TRPM7: variants seen among roughly 807,000 people sequenced by gnomAD.
TRPM7 encodes the protein LTRPC ion channel family member 7.
Under a neutral mutation model 229.7 loss-of-function variants are expected in TRPM7, and 134 were observed. That is an observed-to-expected ratio of 0.58 (90% CI 0.51 to 0.67). The LOEUF is 0.67. TRPM7 is among the 30% of genes least tolerant of loss of function. The pLI, the probability that TRPM7 is intolerant of heterozygous loss-of-function variation, is 0.00. For missense variants in TRPM7, 1,901 were observed against 2,210.0 expected, an observed-to-expected ratio of 0.86 and a Z score of 2.80; for synonymous variants, 699 against 715.2, an observed-to-expected ratio of 0.98 and a Z score of 0.36.
At chr15:50,568,245 C>A (rs1317094590) in intron 38 of TRPM7, among the ~76,000 whole-genome samples, 2 of 149,706 alleles carry the variant, frequency 1.3e-5, no homozygotes, top group African/African-American at 4.9e-5. Context: ...ACATCAGAAA[C>A]AAAGCAAATT....
chr15:50,583,580 G>GTT (rs3077872), intron 28 of TRPM7, among the ~76,000 whole-genome samples: 2,342 of 136,808 alleles, frequency 0.017, 78 homozygotes, highest in African/African-American at 0.057. Context: ...TTAGAGTTTT[G>GTT]TTTTTTTTTT....
intron 21 of TRPM7, among the ~76,000 whole-genome samples, chr15:50,603,442 C>G (rs1015494268): frequency 3.9e-5 from 6 of 151,902 alleles, no homozygotes; most frequent in African/African-American, 1.5e-4. Flanking sequence ...TCTCCTAATG[C>G]TATCCCTCCC....
chr15:50,606,421 T>G (rs2059921508), intron 20 of TRPM7, among the ~76,000 whole-genome samples: 3 of 151,494 alleles, frequency 2.0e-5, no homozygotes, highest in African/African-American at 7.4e-5. Context: ...AATATTCATG[T>G]AGCTACTACT....
intron 2 of TRPM7, among the ~76,000 whole-genome samples, chr15:50,660,890 CT>C (rs1279615870): frequency 7.2e-5 from 11 of 151,814 alleles, no homozygotes; most frequent in African/African-American, 2.7e-4. Context: ...TTTTAAATGG[CT>C]AAAAATCGAA....
intron 29 of TRPM7, among the ~76,000 whole-genome samples, chr15:50,582,660 A>G (rs2054477369): frequency 6.6e-6 from 1 of 152,206 alleles, no homozygotes; most frequent in African/African-American, 2.4e-5. Context: ...GCCAGAACAG[A>G]TATATTTTGA....
At chr15:50,672,227 G>A (rs1596344048) in intron 1 of TRPM7, among the ~76,000 whole-genome samples, 1 of 152,066 alleles carries the variant, frequency 6.6e-6, no homozygotes, top group East Asian at 1.9e-4. Flanking sequence ...CTAATTTTTT[G>A]TATTTTTAGT....
intron 30 of TRPM7, among the ~76,000 whole-genome samples, chr15:50,580,458 G>A (rs980721812): frequency 1.3e-5 from 2 of 152,078 alleles, no homozygotes; most frequent in Non-Finnish European, 2.9e-5. Flanking sequence ...GTGTATTACT[G>A]CTCTAATCAT....
In TRPM7 at chr15:50,596,399, GA is replaced by G; in HGVS notation, c.3164-19del. The G allele has an allele frequency of 1.3e-6, 2 of 1,552,868 alleles. No individual in the cohort carries two copies. On this transcript the variant is annotated intron_variant, in intron 22 of 38. Coordinates refer to ENST00000646667, the MANE Select transcript of TRPM7 (RefSeq NM_017672.6). The stretch of plus-strand genomic sequence containing the variant: ...TGCACACACTTTAGAGAGAAAAAAA[GA>G]AAAAAACAAAAACAACTTAAAAATA...
intron 3 of TRPM7, among the ~76,000 whole-genome samples, chr15:50,650,969 G>A (rs1341161745): frequency 6.6e-6 from 1 of 152,130 alleles, no homozygotes; most frequent in Non-Finnish European, 1.5e-5. Flanking sequence ...CCGGCAGTTT[G>A]CTTGAGCCCA....
chr15:50,597,158 G>A (rs996021752), intron 22 of TRPM7, among the ~76,000 whole-genome samples: 4 of 152,130 alleles, frequency 2.6e-5, no homozygotes, highest in African/African-American at 4.8e-5. Context: ...CAATTATACC[G>A]TGATTAGATT....
chr15:50,629,797 G>A (rs2060674678), intron 10 of TRPM7, among the ~76,000 whole-genome samples: 1 of 150,848 alleles, frequency 6.6e-6, no homozygotes, highest in Admixed American at 6.6e-5. Context: ...CTTGAACACA[G>A]TGGTTAATAC....
At chr15:50,659,179 C>T (rs76727549) in intron 2 of TRPM7, among the ~76,000 whole-genome samples, 26,984 of 146,884 alleles carry the variant, frequency 0.18, 3,153 homozygotes, top group East Asian at 0.47. Context: ...GATGACAGAG[C>T]GAGACTCCGT....
intron 25 of TRPM7, 75 bp from the exon 26 acceptor site, chr15:50,592,701 T>C (rs952901133): frequency 1.8e-6 from 2 of 1,091,510 alleles, no homozygotes; most frequent in East Asian, 2.5e-5. Flanking sequence ...CCTCAAATAA[T>C]AATGATAAAA....
chr15:50,587,217 C>T (rs985106346), intron 27 of TRPM7, among the ~76,000 whole-genome samples: 5 of 151,936 alleles, frequency 3.3e-5, no homozygotes, highest in African/African-American at 1.2e-4. Flanking sequence ...TTTCTTATTG[C>T]TTTGTATGAG....
At chr15:50,580,827 A>G (rs891932437) in intron 30 of TRPM7, 47 bp downstream of exon 30, 2 of 1,540,826 alleles carry the variant, frequency 1.3e-6, no homozygotes, top group African/African-American at 1.4e-5. Flanking sequence ...ACAACATTCA[A>G]TAACTATGAT....
chr15:50,627,402 G>A (rs937399685), intron 11 of TRPM7, among the ~76,000 whole-genome samples: 1 of 152,090 alleles, frequency 6.6e-6, no homozygotes, highest in Non-Finnish European at 1.5e-5. Flanking sequence ...AAGCCCACGT[G>A]GGTATGTAGG....
In TRPM7 at chr15:50,614,171, A is replaced by G. The variant is rs772154385; in HGVS notation, c.1587T>C (p.Thr529=). 2.5e-6 allele frequency: 4 copies of G among 1,612,896 alleles called. No individual in the cohort carries two copies. In the South Asian group the frequency reaches 4.4e-5, roughly 18 times the overall value. The change falls in exon 14 of 39, where the codon ACT becomes ACC. Residue 529 remains threonine (T), a synonymous_variant. Coordinates refer to ENST00000646667, the MANE Select transcript of TRPM7 (RefSeq NM_017672.6). The part of the protein sequence containing the change: ...LMGGTYRCTY[T]RKRFRLIYNS... ...TATATATTAATCGAAAACGTTTCCT[A>G]GTATAGGTGCATCTGTAGGTTCCTC...
In TRPM7 at chr15:50,602,336, G is replaced by A. The variant is rs140822647; in HGVS notation, c.2988+2530C>T. On this transcript the variant is annotated intron_variant, in intron 21 of 38. Coordinates refer to ENST00000646667, the MANE Select transcript of TRPM7 (RefSeq NM_017672.6). ...CTCACAGGTGGGAACTGAACAACGA[G>A]AACACTTGGACACAGGGTAGGGAAC... Among the ~76,000 whole-genome samples, 712 of 152,058 alleles carry A rather than the reference G, an allele frequency of 4.7e-3. 5 individuals are homozygous for A. The highest frequency in any genetic ancestry group is 0.017 in the African/African-American group (687 of 41,418).
intron 24 of TRPM7, among the ~76,000 whole-genome samples, chr15:50,594,062 A>C (rs1236397153): frequency 6.6e-6 from 1 of 152,210 alleles, no homozygotes; most frequent in Non-Finnish European, 1.5e-5. Context: ...AACTAATTTG[A>C]AAGTCCCTGT....
Sources: allele counts gnomAD v4.1 joint callset (sites outside exome capture counted in the v4.1 genomes callset), GRCh38; gene constraint gnomAD v4.1.1; transcripts MANE v1.5; gene names NCBI Gene and HGNC (gene_info 2026-07-23, HGNC 2026-07-21).